LGALS3: variants seen among roughly 807,000 people sequenced by gnomAD.
The protein encoded by LGALS3 is galectin 3.
Under a neutral mutation model 20.7 loss-of-function variants are expected in LGALS3, and 18 were observed. The ratio of observed to expected loss-of-function variants is 0.87; its 90% confidence interval spans 0.60 to 1.29. LGALS3 has a LOEUF of 1.29. Ranked by LOEUF, LGALS3 falls within the 50% of genes most tolerant of loss-of-function variation. The pLI, the probability that LGALS3 is intolerant of heterozygous loss-of-function variation, is 0.00. For synonymous variants in LGALS3, 112 were observed against 119.6 expected, an observed-to-expected ratio of 0.94 and a Z score of 0.42; for missense variants, 315 against 314.7, an observed-to-expected ratio of 1.00 and a Z score of -0.01.
chr14:55,140,583 C>G, intron 4 of LGALS3: 1 of 463,464 alleles, frequency 2.2e-6, no homozygotes, highest in Non-Finnish European at 3.9e-6. Flanking sequence ...TCATGGCACT[C>G]ATAGTAAACG....
chr14:55,138,449 A>G (rs768719650), intron 3 of LGALS3, 81 bp downstream of exon 3: 1 of 1,476,032 alleles, frequency 6.8e-7, no homozygotes. Flanking sequence ...TGCTGCTTAG[A>G]GCCACTTCTC....
intron 1 of LGALS3, among the ~76,000 whole-genome samples, chr14:55,136,513 T>C (rs1881399027): frequency 1.3e-5 from 2 of 152,120 alleles, no homozygotes; most frequent in African/African-American, 4.8e-5. Flanking sequence ...CCTTCGGCTT[T>C]TATTTTTTTT....
At chr14:55,132,486 C>A (rs1203724319) in intron 1 of LGALS3, among the ~76,000 whole-genome samples, 1 of 152,202 alleles carries the variant, frequency 6.6e-6, no homozygotes, top group Non-Finnish European at 1.5e-5. Flanking sequence ...AAGGATGATA[C>A]TTATCTGAAT....
intron 1 of LGALS3, among the ~76,000 whole-genome samples, chr14:55,135,526 T>A (rs536926007): frequency 2.6e-5 from 4 of 152,072 alleles, no homozygotes; most frequent in South Asian, 2.1e-4. Context: ...CTCTGCCTGT[T>A]TGAGTTTTAC....
chr14:55,135,280 A>C (rs1032719880), intron 1 of LGALS3, among the ~76,000 whole-genome samples: 4 of 152,216 alleles, frequency 2.6e-5, no homozygotes, highest in African/African-American at 9.6e-5. Context: ...CAAAATCCCA[A>C]ACGTTTTGCA....
chr14:55,140,590 AAC>A, intron 4 of LGALS3: 1 of 460,508 alleles, frequency 2.2e-6, no homozygotes, highest in Non-Finnish European at 3.9e-6. Flanking sequence ...ACTCATAGTA[AAC>A]GGTAACACAC....
At chr14:55,144,650 G>A (rs954272395) in intron 5 of LGALS3, among the ~76,000 whole-genome samples, 5 of 152,088 alleles carry the variant, frequency 3.3e-5, no homozygotes, top group African/African-American at 1.2e-4. Flanking sequence ...TTCAAGCTCC[G>A]CCTCCTGGGT....
At chr14:55,142,820 C>A (rs2140296793) in intron 5 of LGALS3, 71 bp downstream of exon 5, 2 of 1,269,118 alleles carry the variant, frequency 1.6e-6, no homozygotes, top group African/African-American at 1.5e-5. Flanking sequence ...AACCCCAAAG[C>A]ACTTGAAGTG....
At position 55,137,434 on chromosome 14, in the gene LGALS3, A is replaced by G. The variant is rs368909393; in HGVS notation, c.18+43A>G. ...GTTTCTTCCCCTTGATCAGCTCCAC[A>G]TGGTTGAGGGTTGGGGGTTTTGTTT... On this transcript the variant is annotated intron_variant, in intron 2 of 5. Coordinates refer to ENST00000254301, the MANE Select transcript of LGALS3 (RefSeq NM_002306.4). 5 of 1,613,948 alleles carry G rather than the reference A, an allele frequency of 3.1e-6. No homozygotes were observed. The African/African-American group carries it at 5.3e-5, about 17-fold the overall frequency.
Position 55,137,358 on chromosome 14 carries a change from T to G in LGALS3, c.-4-12T>G. 1 of 1,613,036 alleles carries G rather than the reference T, an allele frequency of 6.2e-7. No homozygotes were observed. Among genetic ancestry groups the G allele is most frequent in the Non-Finnish European group, 8.5e-7 (1 of 1,178,924 alleles). ...GCTTTTAGGATAAAATGATAATCTT[T>G]GTTTCTTTCAGGAAAATGGCAGACA... On this transcript the variant is annotated splice_polypyrimidine_tract_variant and intron_variant, in intron 1 of 5. Transcript: ENST00000254301.
chr14:55,133,127 G>T (rs1274912098), intron 1 of LGALS3, among the ~76,000 whole-genome samples: 2 of 152,168 alleles, frequency 1.3e-5, no homozygotes, highest in African/African-American at 2.4e-5. Context: ...GTAAGTCAGA[G>T]AATTAATTTC....
chr14:55,137,853 G>C, intron 2 of LGALS3, 192 bp from the exon 3 acceptor site: 1 of 1,309,708 alleles, frequency 7.6e-7, no homozygotes, highest in Non-Finnish European at 9.7e-7. Flanking sequence ...AAGTGAAAAA[G>C]TATATGTAAT....
chr14:55,137,203 A>G, intron 1 of LGALS3, 167 bp from the exon 2 acceptor site: 1 of 728,900 alleles, frequency 1.4e-6, no homozygotes. Flanking sequence ...ATCTAGCTGG[A>G]TAGCATCCCT....
At chr14:55,134,172 C>A (rs527656044) in intron 1 of LGALS3, among the ~76,000 whole-genome samples, 9 of 152,284 alleles carry the variant, frequency 5.9e-5, no homozygotes, top group African/African-American at 2.2e-4. Flanking sequence ...TCCCAAATGA[C>A]TGGGATTACA....
rs74959172 is a variant in LGALS3, at chr14:55,145,289, A to T, written c.*18A>T. 1.6e-5 allele frequency: 4 copies of T among 248,698 alleles called. No homozygotes were observed. Among genetic ancestry groups the T allele is most frequent in the South Asian group, 1.2e-4 (1 of 8,192 alleles). The allele number at this position is 248,698 out of a possible 1,614,324, so 15.4% of individuals were successfully genotyped here. On this transcript the variant is annotated 3_prime_UTR_variant, in exon 6 of 6. Transcript: ENST00000254301. ...TGATATAATCTGAAAGGGGCAGATT[A>T]AAAAAAAAAAAAGAATCTAAACCTT...
chr14:55,145,086 A>G, intron 5 of LGALS3, 30 bp from the exon 6 acceptor site: 1 of 1,587,214 alleles, frequency 6.3e-7, no homozygotes, highest in Non-Finnish European at 8.6e-7. Flanking sequence ...GCATTACCTC[A>G]TGTAACAGTT....
intron 3 of LGALS3, among the ~76,000 whole-genome samples, chr14:55,139,991 G>T: frequency 6.6e-6 from 1 of 152,172 alleles, no homozygotes. Context: ...TTGATCACAA[G>T]ATCTAGCTTA....
rs965087694 is a variant in LGALS3, at chr14:55,129,619, C to T, written c.-5+319C>T. On this transcript the variant is annotated intron_variant, in intron 1 of 5. Coordinates refer to ENST00000254301, the MANE Select transcript of LGALS3 (RefSeq NM_002306.4). The surrounding 1 kb of genome is among the most constrained non-coding windows in gnomAD (Gnocchi z 5.3). ...CTCGTGGGCTTCGCCGCCGTCGCAC[C>T]TCCGCCGCCTGCGCTCTGCGGCCCC... Among the ~76,000 whole-genome samples, 2 of 152,214 alleles carry T rather than the reference C, an allele frequency of 1.3e-5. No homozygotes were observed. The highest frequency in any genetic ancestry group is 4.8e-5 in the African/African-American group (2 of 41,450).
rs771585609 is a variant in LGALS3, at chr14:55,138,178, C to A, written c.152C>A (p.Pro51Gln). 1.2e-6 allele frequency: 2 copies of A among 1,610,978 alleles called. No individual in the cohort carries two copies. Among genetic ancestry groups the A allele is most frequent in the Non-Finnish European group, 1.7e-6 (2 of 1,178,932 alleles). The change falls in exon 3 of 6, where the codon CCA becomes CAA. Residue 51 changes from proline to glutamine, a missense_variant. Pro to Gln is a moderately conservative substitution (Grantham distance 76). Transcript: ENST00000254301. ...YPGAYPGQAPPGAYPGQAPPG... is the reference protein window; with the variant it reads ...YPGAYPGQAPQGAYPGQAPPG... ...GGGGCCTACCCCGGGCAGGCACCCC[C>A]AGGGGCTTATCCTGGACAGGCACCT...
Sources: gnomAD v4.1 joint callset for allele counts (sites outside exome capture counted in the v4.1 genomes callset) on GRCh38, gnomAD v4.1.1 for gene constraint, Gnocchi (gnomAD v3.1) non-coding constraint, MANE v1.5 for transcripts, NCBI Gene and HGNC (gene_info 2026-07-23, HGNC 2026-07-21) for gene names.